CREB3L3: variants seen among roughly 807,000 people sequenced by gnomAD.
CREB3L3 encodes the protein cyclic AMP-responsive element-binding protein 3-like protein 3.
In CREB3L3, 40 loss-of-function variants were observed where a neutral mutation model predicts 44.6. The observed-to-expected ratio is 0.90, with a 90% CI of 0.70 to 1.17. CREB3L3 has a LOEUF of 1.17. Among genes scored for constraint, CREB3L3 ranks in the 50% most tolerant of loss-of-function variants. CREB3L3 has a pLI of 0.00. For missense variants in CREB3L3, 578 were observed against 595.8 expected (o/e 0.97, Z 0.31); for synonymous variants, 273 against 256.3 (o/e 1.06, Z -0.62).
intron 5 of CREB3L3, among the ~76,000 whole-genome samples, chr19:4,166,895 T>G (rs1040934279): frequency 1.3e-5 from 2 of 152,000 alleles, no homozygotes; most frequent in African/African-American, 2.4e-5. Context: ...ATTTTGTGGT[T>G]GTTGTTTTGT....
Position 4,157,206 on chromosome 19 carries a change from G to T in CREB3L3, c.368G>T (p.Cys123Phe), listed in dbSNP as rs750434606. ...CHPAQPGKGP[C>F]LSYHPGNSCS... ...CCTGCCCAGCCTGGCAAGGGGCCCT[G>T]CCTCTCCTATCATCCTGGCAACTCT... The change falls in exon 3 of 10, where the codon TGC becomes TTC. Residue 123 changes from cysteine to phenylalanine, a missense_variant. Coordinates refer to ENST00000078445, the MANE Select transcript of CREB3L3 (RefSeq NM_032607.3). The T allele has an allele frequency of 1.9e-6, 3 of 1,614,050 alleles. No individual in the cohort carries two copies. In the Admixed American group the frequency reaches 5.0e-5, roughly 27 times the overall value.
intron 4 of CREB3L3, among the ~76,000 whole-genome samples, chr19:4,161,361 G>A (rs1204425224): frequency 6.6e-6 from 1 of 152,060 alleles, no homozygotes; most frequent in East Asian, 1.9e-4. Context: ...TGATCCTCCT[G>A]CTTTGTCCTC....
Position 4,170,124 on chromosome 19 carries a change from G to C in CREB3L3, c.822-16G>C. ...ACTGGCATATGCTGAATGTCGATGC[G>C]TCTTCCTCCTTTCAGGATGTCAGCT... is the stretch of plus-strand genomic sequence containing the variant. On this transcript the variant is annotated splice_polypyrimidine_tract_variant and intron_variant, in intron 6 of 9. Coordinates refer to ENST00000078445, the MANE Select transcript of CREB3L3 (RefSeq NM_032607.3). The C allele has an allele frequency of 6.2e-7, 1 of 1,613,782 alleles. No individual in the cohort carries two copies. Among genetic ancestry groups the C allele is most frequent in the Non-Finnish European group, 8.5e-7 (1 of 1,179,754 alleles).
At position 4,171,977 on chromosome 19, in the gene CREB3L3, C is replaced by A; in HGVS notation, c.*8C>A. ...GCGGGAGACGAGCTGTGAGCCCCGCCAGGACTATGCTCCCAGGCCCCTCTG... is the reference window on the plus strand; with the variant it reads ...GCGGGAGACGAGCTGTGAGCCCCGCAAGGACTATGCTCCCAGGCCCCTCTG... On this transcript the variant is annotated 3_prime_UTR_variant, in exon 10 of 10. Transcript: ENST00000078445. The surrounding 1 kb of genome is among the most constrained non-coding windows in gnomAD (Gnocchi z 4.9). 1.3e-6 allele frequency: 2 copies of A among 1,578,982 alleles called. No homozygotes were observed. Among genetic ancestry groups the A allele is most frequent in the Non-Finnish European group, 1.7e-6 (2 of 1,165,804 alleles).
At chr19:4,159,338 A>G (rs1042810581) in intron 3 of CREB3L3, among the ~76,000 whole-genome samples, 1 of 143,672 alleles carries the variant, frequency 7.0e-6, no homozygotes, top group Non-Finnish European at 1.6e-5. Flanking sequence ...TTTAATAGAG[A>G]TGGGATTTCA....
In CREB3L3 at chr19:4,161,766, G is replaced by A. The variant is rs144459922; in HGVS notation, c.576+1984G>A. Reference sequence around the variant, plus strand: ...GATAATCTCTAGTGAAGGCCAGGGTGCCCCTGGCAACTAGAGGGATATGCA... The same window carrying A: ...GATAATCTCTAGTGAAGGCCAGGGTACCCCTGGCAACTAGAGGGATATGCA... On this transcript the variant is annotated intron_variant, in intron 4 of 9. Transcript: ENST00000078445. Among the ~76,000 whole-genome samples, 528 of 152,324 alleles carry A rather than the reference G, an allele frequency of 3.5e-3. 3 individuals carry two copies. Among genetic ancestry groups the A allele is most frequent in the African/African-American group, 0.012 (511 of 41,570 alleles).
At chr19:4,153,803 C>A (rs759433340) in intron 1 of CREB3L3, 29 bp downstream of exon 1, 15 of 1,613,212 alleles carry the variant, frequency 9.3e-6, no homozygotes, top group Non-Finnish European at 5.9e-6. Flanking sequence ...CCAGGGAGAG[C>A]GGGAGTCTAG....
Position 4,157,149 on chromosome 19 carries a change from G to T in CREB3L3, c.311G>T (p.Ser104Ile), listed in dbSNP as rs777774143. ...GACCCCCAGGACACCCCTCCACGCA[G>T]CGGACCAGCCACCTCCCCCGCCGGC... ...PSDPQDTPPR[S>I]GPATSPAGCH... is the part of the protein sequence containing the mutation. The change falls in exon 3 of 10, where the codon AGC (serine) becomes ATC (isoleucine). Residue 104 changes from serine to isoleucine, a missense_variant. By Grantham distance (142) the Ser-to-Ile change is moderately radical. Transcript: ENST00000078445. The T allele has an allele frequency of 6.2e-7, 1 of 1,613,872 alleles. No individual in the cohort carries two copies. The highest frequency in any genetic ancestry group is 8.5e-7 in the Non-Finnish European group (1 of 1,179,970).
rs2145113312 is a variant in CREB3L3 at position 4,153,669 on chromosome 19, G to A, written c.-79G>A. On this transcript the variant is annotated 5_prime_UTR_variant, in exon 1 of 10. Coordinates refer to ENST00000078445, the MANE Select transcript of CREB3L3 (RefSeq NM_032607.3). ...AGGGCTGTGAGCTTGCCCGGCCCCA[G>A]GTAACGCTGGCGGTGGGTGGGCCTC... is the stretch of plus-strand genomic sequence containing the variant. 3 of 1,581,930 alleles carry A rather than the reference G, an allele frequency of 1.9e-6. No homozygotes were observed. The highest frequency in any genetic ancestry group is 2.6e-6 in the Non-Finnish European group (3 of 1,153,728).
chr19:4,169,041 C>G (rs980457149), intron 6 of CREB3L3, among the ~76,000 whole-genome samples: 1 of 151,908 alleles, frequency 6.6e-6, no homozygotes, highest in Non-Finnish European at 1.5e-5. Flanking sequence ...GGTCTCTCCC[C>G]TTTCTTAAAT....
chr19:4,163,316 GA>G, intron 4 of CREB3L3, among the ~76,000 whole-genome samples: 2 of 147,700 alleles, frequency 1.4e-5, no homozygotes, highest in Middle Eastern at 6.8e-3. Context: ...AAGAAAGAAA[GA>G]AAGAAGAAAG....
chr19:4,159,589 C>T (rs1283682783), intron 3 of CREB3L3, 75 bp from the exon 4 acceptor site: 9 of 788,398 alleles, frequency 1.1e-5, no homozygotes, highest in East Asian at 2.4e-5. Flanking sequence ...GTGGAGGAGG[C>T]GGTTAGAGGC....
Position 4,172,349 on chromosome 19 carries a change from C to CCAGA in CREB3L3, c.*396_*399dup, listed in dbSNP as rs371187240. 1.1e-5 allele frequency: 4 copies of CCAGA among 359,934 alleles called. No individual in the cohort carries two copies. The highest frequency in any genetic ancestry group is 5.4e-5 in the South Asian group (2 of 37,112). 22.3% of individuals were successfully genotyped at this position (359,934 alleles called of 1,614,324 possible). On this transcript the variant is annotated 3_prime_UTR_variant, in exon 10 of 10. Coordinates refer to ENST00000078445, the MANE Select transcript of CREB3L3 (RefSeq NM_032607.3). ...CAGACAGACACAGCCTGAAACAGAC[C>CCAGA]CAGACAGACAGACAGACAGCCTGAA...
chr19:4,164,683 C>T lies in CREB3L3; in HGVS notation c.714+43C>T, dbSNP rs759883327. 7 of 1,609,154 alleles carry T rather than the reference C, an allele frequency of 4.4e-6. No homozygotes were observed. The Admixed American group carries it at 5.0e-5, about 12-fold the overall frequency. On this transcript the variant is annotated intron_variant, in intron 5 of 9. Transcript: ENST00000078445. ...TCCAGCCCTGGATCCATCTCCCCTTCGTGCACTTACCTGCATGTGTGTCCC... is the reference window on the plus strand; with the variant it reads ...TCCAGCCCTGGATCCATCTCCCCTTTGTGCACTTACCTGCATGTGTGTCCC...
chr19:4,168,326 C>A (rs750713458), intron 5 of CREB3L3, 25 bp from the exon 6 acceptor site: 2 of 1,593,396 alleles, frequency 1.3e-6, no homozygotes, highest in Non-Finnish European at 1.7e-6. Flanking sequence ...TGGCCTGAAA[C>A]CCTCCTCCCC....
intron 4 of CREB3L3, among the ~76,000 whole-genome samples, chr19:4,160,189 G>A (rs925945329): frequency 2.6e-5 from 4 of 151,260 alleles, no homozygotes; most frequent in Non-Finnish European, 4.4e-5. Context: ...CCAGCTACTC[G>A]GGAGGCTGAG....
chr19:4,154,209 T>G (rs1282384638), intron 1 of CREB3L3, among the ~76,000 whole-genome samples: 1 of 151,434 alleles, frequency 6.6e-6, no homozygotes, highest in Non-Finnish European at 1.5e-5. Context: ...GTAGTTGGGA[T>G]TACAGGTGTG....
rs1394994555 is a variant in CREB3L3 at position 4,159,715 on chromosome 19, T to C, written c.509T>C (p.Val170Ala). The C allele has an allele frequency of 6.2e-7, 1 of 1,604,070 alleles. No homozygotes were observed. The highest frequency in any genetic ancestry group is 2.2e-5 in the East Asian group (1 of 44,826). ...RICAEKPADPVDLSPRCNLTV... is the reference protein window; with the variant it reads ...RICAEKPADPADLSPRCNLTV... ...TGTGCTGAGAAGCCGGCTGATCCGG[T>C]GGACCTGTCCCCACGATGCAATCTC... is the stretch of plus-strand genomic sequence containing the variant. The change falls in exon 4 of 10, where the codon GTG becomes GCG. Residue 170 changes from valine (V) to alanine (A), a missense_variant. Coordinates refer to ENST00000078445, the MANE Select transcript of CREB3L3 (RefSeq NM_032607.3).
chr19:4,155,104 C>T, intron 2 of CREB3L3, 77 bp downstream of exon 2: 1 of 1,558,488 alleles, frequency 6.4e-7, no homozygotes, highest in South Asian at 1.1e-5. Context: ...AGGTGCTAGA[C>T]CCGCCAGAGC....
Sources: allele counts gnomAD v4.1 joint callset (sites outside exome capture counted in the v4.1 genomes callset), GRCh38; gene constraint gnomAD v4.1.1; non-coding constraint Gnocchi (gnomAD v3.1); transcripts MANE v1.5; gene names NCBI Gene and HGNC (gene_info 2026-07-23, HGNC 2026-07-21).